CADPS2: variants seen among roughly 807,000 people sequenced by gnomAD.
CADPS2 encodes the protein calcium dependent secretion activator 2.
CADPS2 carries 93 observed loss-of-function variants against 172.5 expected under a neutral mutation model. The observed-to-expected ratio is 0.54, with a 90% CI of 0.46 to 0.64. The LOEUF is 0.64. Among genes scored for constraint, CADPS2 ranks in the 30% least tolerant of loss-of-function variants. The pLI, the probability that CADPS2 is intolerant of heterozygous loss-of-function variation, is 0.00. For missense variants in CADPS2, 1,420 were observed against 1,565.9 expected, an observed-to-expected ratio of 0.91 and a Z score of 1.57; for synonymous variants, 546 against 555.2, an observed-to-expected ratio of 0.98 and a Z score of 0.23.
intron 1 of CADPS2, among the ~76,000 whole-genome samples, chr7:122,869,224 G>A (rs1159128651): frequency 6.6e-6 from 1 of 152,016 alleles, no homozygotes; most frequent in Non-Finnish European, 1.5e-5. Flanking sequence ...CTAATATGAT[G>A]AATCCAGAGA....
intron 2 of CADPS2, among the ~76,000 whole-genome samples, chr7:122,707,951 T>C (rs1003123763): frequency 6.6e-6 from 1 of 151,746 alleles, no homozygotes; most frequent in African/African-American, 2.4e-5. Context: ...TTTCTATATA[T>C]ATATTTTAAG....
At chr7:122,676,241 G>C (rs2135692348) in intron 2 of CADPS2, among the ~76,000 whole-genome samples, 1 of 152,216 alleles carries the variant, frequency 6.6e-6, no homozygotes. Flanking sequence ...CATTAGAGTA[G>C]ACAATAAAAT....
rs543927824 is a variant in CADPS2, at chr7:122,574,382, G to A, written c.1335+6797C>T. On this transcript the variant is annotated intron_variant, in intron 7 of 29. Transcript: ENST00000449022. Reference sequence around the variant, plus strand: ...GATCTCTTGAGCCTAGCAGGTGGAGGCTGCAGTGAGCCACGATTGTGCCAC... The same window carrying A: ...GATCTCTTGAGCCTAGCAGGTGGAGACTGCAGTGAGCCACGATTGTGCCAC... Among the ~76,000 whole-genome samples the A allele has an allele frequency of 1.0e-4, 14 of 136,818 alleles. No homozygotes were observed. The East Asian group carries it at 3.1e-3, about 30-fold the overall frequency. The allele number at this position is 136,818 out of a possible 152,430, so 89.8% of individuals were successfully genotyped here. A position where few individuals can be genotyped will look rare whatever the true frequency, so the allele number is the denominator to read the frequency against.
At position 122,593,202 on chromosome 7, in the gene CADPS2, CA is replaced by C. The variant is rs931356572; in HGVS notation, c.1224-11913del. On this transcript the variant is annotated intron_variant, in intron 6 of 29. Coordinates refer to ENST00000449022, the MANE Select transcript of CADPS2 (RefSeq NM_017954.11). The stretch of plus-strand genomic sequence containing the variant: ...ATACTACTCTATATTTTCAACAAAA[CA>C]AAAAAAATTCTGCATGGCAATATAT... Among the ~76,000 whole-genome samples the C allele has an allele frequency of 4.6e-5, 7 of 150,748 alleles. 1 individual carries two copies. The East Asian group carries it at 9.8e-4, about 21-fold the overall frequency.
intron 1 of CADPS2, among the ~76,000 whole-genome samples, chr7:122,834,117 A>T (rs1044190231): frequency 3.3e-5 from 5 of 152,228 alleles, no homozygotes; most frequent in Admixed American, 2.0e-4. Context: ...GTGCCCTTTA[A>T]GTTAACAAGC....
At chr7:122,557,006 T>C (rs1291604481) in intron 7 of CADPS2, among the ~76,000 whole-genome samples, 1 of 152,118 alleles carries the variant, frequency 6.6e-6, no homozygotes, top group South Asian at 2.1e-4. Context: ...CCCTATGTTA[T>C]GTTCCCTCCA....
intron 15 of CADPS2, among the ~76,000 whole-genome samples, chr7:122,444,081 T>C (rs1017905530): frequency 6.6e-5 from 10 of 152,166 alleles, no homozygotes; most frequent in African/African-American, 2.2e-4. Flanking sequence ...GTATTTACTT[T>C]TGTGGGTCTG....
chr7:122,685,916 T>C (rs944865002), intron 2 of CADPS2, among the ~76,000 whole-genome samples: 1 of 152,188 alleles, frequency 6.6e-6, no homozygotes, highest in Non-Finnish European at 1.5e-5. Context: ...AGGGCCTACA[T>C]ACACTCCCAA....
At chr7:122,564,765 A>C (rs558047054) in intron 7 of CADPS2, among the ~76,000 whole-genome samples, 31 of 152,134 alleles carry the variant, frequency 2.0e-4, no homozygotes, top group Non-Finnish European at 3.7e-4. Context: ...AATCAACCAA[A>C]ATGTCTATCA....
intron 5 of CADPS2, among the ~76,000 whole-genome samples, chr7:122,618,395 G>A (rs192435568): frequency 1.6e-3 from 238 of 151,916 alleles, no homozygotes; most frequent in Non-Finnish European, 2.4e-3. Flanking sequence ...TTATATTCTA[G>A]TAGAGAAAGC....
intron 17 of CADPS2, among the ~76,000 whole-genome samples, chr7:122,423,871 T>G (rs1259549673): frequency 6.6e-6 from 1 of 152,196 alleles, no homozygotes; most frequent in African/African-American, 2.4e-5. Flanking sequence ...GGAATGCACT[T>G]CGAGAACTAC....
At chr7:122,613,276 T>C (rs1429940293) in intron 6 of CADPS2, among the ~76,000 whole-genome samples, 1 of 152,058 alleles carries the variant, frequency 6.6e-6, no homozygotes, top group African/African-American at 2.4e-5. Context: ...ATCACATATA[T>C]GATGTGGGCC....
At chr7:122,383,394 C>T (rs1417135824) in intron 24 of CADPS2, among the ~76,000 whole-genome samples, 1 of 151,940 alleles carries the variant, frequency 6.6e-6, no homozygotes, top group East Asian at 1.9e-4. Flanking sequence ...ATGCTCAATA[C>T]CCAGGTGTAA....
At chr7:122,529,627 T>C (rs984870802) in intron 8 of CADPS2, among the ~76,000 whole-genome samples, 2 of 152,096 alleles carry the variant, frequency 1.3e-5, no homozygotes, top group African/African-American at 4.8e-5. Context: ...GAAAATGACT[T>C]TTAAATATAT....
intron 1 of CADPS2, among the ~76,000 whole-genome samples, chr7:122,766,725 T>G (rs1297000622): frequency 6.6e-6 from 1 of 152,194 alleles, no homozygotes; most frequent in South Asian, 2.1e-4. Context: ...TTTAAAACTT[T>G]GTAGAACACA....
At chr7:122,476,991 G>A (rs2056693541) in intron 12 of CADPS2, among the ~76,000 whole-genome samples, 3 of 112,558 alleles carry the variant, frequency 2.7e-5, no homozygotes, top group African/African-American at 9.9e-5. Context: ...GGGGCGGGAG[G>A]GGAGGGGAGA....
chr7:122,840,100 A>AT (rs1809966192), intron 1 of CADPS2, among the ~76,000 whole-genome samples: 1 of 152,134 alleles, frequency 6.6e-6, no homozygotes, highest in African/African-American at 2.4e-5. Flanking sequence ...CTATGCAGCC[A>AT]AAAAAAGGAT....
At chr7:122,381,277 A>G (rs2042969873) in intron 24 of CADPS2, among the ~76,000 whole-genome samples, 1 of 152,120 alleles carries the variant, frequency 6.6e-6, no homozygotes, top group Non-Finnish European at 1.5e-5. Context: ...GTATTCAGCA[A>G]GAGGAAATTA....
chr7:122,697,624 G>A (rs6466831), intron 2 of CADPS2: 408,292 of 573,254 alleles, frequency 0.71, 147,121 homozygotes, highest in Middle Eastern at 0.82. Context: ...AAAAAATCCC[G>A]CTAGGACTTT....
Sources: allele counts gnomAD v4.1 joint callset (sites outside exome capture counted in the v4.1 genomes callset), GRCh38; gene constraint gnomAD v4.1.1; transcripts MANE v1.5; gene names NCBI Gene and HGNC (gene_info 2026-07-23, HGNC 2026-07-21).